Variants in PCDH7 observed in about 807,000 individuals in gnomAD.
PCDH7 encodes the protein protocadherin-7.
PCDH7 carries 17 observed loss-of-function variants against 58.9 expected under a neutral mutation model. That is an observed-to-expected ratio of 0.29 (90% CI 0.20 to 0.43). The LOEUF (loss-of-function observed/expected upper bound fraction) is 0.43, where lower values mean the gene tolerates loss of function less well. Ranked by LOEUF, PCDH7 falls within the 20% of genes least tolerant of loss-of-function variation. PCDH7 has a pLI of 1.00. For synonymous variants in PCDH7, 664 were observed against 616.4 expected (o/e 1.08, Z -1.14); for missense variants, 1,274 against 1,441.0 (o/e 0.88, Z 1.88).
intron 1 of PCDH7, among the ~76,000 whole-genome samples, chr4:30,787,123 A>C (rs566170452): frequency 6.6e-6 from 1 of 152,166 alleles, no homozygotes; most frequent in African/African-American, 2.4e-5. Context: ...GAAGAACAGG[A>C]AATTCTTTTT....
At chr4:30,894,516 TAC>T (rs55942705) in intron 1 of PCDH7, among the ~76,000 whole-genome samples, 589 of 32,068 alleles carry the variant, frequency 0.018, 8 homozygotes, top group African/African-American at 0.038. Context: ...TATATATATA[TAC>T]ACACACACAC....
At chr4:30,779,772 T>C (rs778152989) in intron 1 of PCDH7, among the ~76,000 whole-genome samples, 2 of 152,224 alleles carry the variant, frequency 1.3e-5, no homozygotes, top group African/African-American at 2.4e-5. Context: ...CTGGAAATAC[T>C]TTGTATTTTT....
intron 1 of PCDH7, among the ~76,000 whole-genome samples, chr4:30,790,937 AAAAC>A (rs148296830): frequency 0.024 from 3,588 of 152,138 alleles, 195 homozygotes; most frequent in East Asian, 0.22. Context: ...AAAACAAAAC[AAAAC>A]AAACAAACAA....
chr4:31,001,816 T>C (rs1488235658), intron 3 of PCDH7, among the ~76,000 whole-genome samples: 4 of 152,200 alleles, frequency 2.6e-5, no homozygotes, highest in Admixed American at 2.6e-4. Context: ...AATATGTTCA[T>C]ATTTGTTGTT....
chr4:31,074,048 C>T (rs146600903), intron 3 of PCDH7, among the ~76,000 whole-genome samples: 3,565 of 152,040 alleles, frequency 0.023, 56 homozygotes, highest in Middle Eastern at 0.048. Context: ...CCATGCTCGT[C>T]TTCCCCAAGA....
Position 31,046,379 on chromosome 4 carries a change from C to A in PCDH7, c.*8-96094C>A, listed in dbSNP as rs1578648854. 4.6e-5 allele frequency among the ~76,000 whole-genome samples: 7 copies of A among 152,004 alleles called. 1 individual carries two copies. Among genetic ancestry groups the A allele is most frequent in the Admixed American group, 4.6e-4 (7 of 15,228 alleles). ...ACTATGTGATATGGACCAATGACTT[C>A]TCTTCTTGGGTTATTAAGAAGATTA... On this transcript the variant is annotated intron_variant, in intron 3 of 3. Transcript: ENST00000509759.
Position 30,729,192 on chromosome 4 carries a change from C to CCTA in PCDH7, c.3175-1560_3175-1559insTAC, listed in dbSNP as rs560990310. ...GAGTCCAAGTTATGGAATGTAGTGT[C>CCTA]CAGTATTCTTATTTATCTGATCATA... On this transcript the variant is annotated intron_variant, in intron 1 of 1. Transcript: ENST00000361762. Among the ~76,000 whole-genome samples, 10 of 151,856 alleles carry CCTA rather than the reference C, an allele frequency of 6.6e-5. 1 individual carries two copies. In the East Asian group the frequency reaches 9.7e-4, roughly 15 times the overall value.
chr4:31,001,229 A>T (rs2109137745), intron 3 of PCDH7, among the ~76,000 whole-genome samples: 1 of 152,230 alleles, frequency 6.6e-6, no homozygotes. Context: ...AAAGTCATGT[A>T]GTATAATTTG....
At chr4:31,086,367 G>C (rs1712438215) in intron 3 of PCDH7, among the ~76,000 whole-genome samples, 1 of 152,146 alleles carries the variant, frequency 6.6e-6, no homozygotes, top group Non-Finnish European at 1.5e-5. Context: ...TTTTAAGTCT[G>C]TTTTTGCATG....
chr4:30,980,223 T>A (rs1171580545), intron 3 of PCDH7, among the ~76,000 whole-genome samples: 3 of 152,236 alleles, frequency 2.0e-5, no homozygotes, highest in African/African-American at 7.2e-5. Context: ...TCAACAGGAC[T>A]ACAGTGGAGC....
chr4:30,813,019 A>G (rs1460082042), intron 1 of PCDH7, among the ~76,000 whole-genome samples: 1 of 152,214 alleles, frequency 6.6e-6, no homozygotes, highest in African/African-American at 2.4e-5. Context: ...TCAGAATTCC[A>G]GTGTCTAGCT....
intron 1 of PCDH7, among the ~76,000 whole-genome samples, chr4:30,858,105 T>C (rs1040379373): frequency 2.6e-5 from 4 of 152,310 alleles, no homozygotes; most frequent in Middle Eastern, 3.4e-3. Context: ...TATGAACTTT[T>C]GCCTACATTG....
intron 1 of PCDH7, among the ~76,000 whole-genome samples, chr4:30,774,316 C>A (rs752844758): frequency 1.1e-4 from 17 of 152,242 alleles, no homozygotes; most frequent in Non-Finnish European, 2.5e-4. Flanking sequence ...GTTAGTGAAC[C>A]AAAACCACAC....
intron 2 of PCDH7, among the ~76,000 whole-genome samples, chr4:30,942,874 T>C (rs746044997): frequency 6.8e-6 from 1 of 147,796 alleles, no homozygotes; most frequent in East Asian, 2.0e-4. Flanking sequence ...AAGAGGTAGG[T>C]TAAATTTCTG....
At chr4:31,090,542 T>TC (rs1186944272) in intron 3 of PCDH7, among the ~76,000 whole-genome samples, 9 of 152,020 alleles carry the variant, frequency 5.9e-5, no homozygotes, top group Non-Finnish European at 8.8e-5. Flanking sequence ...AGGAATTCTT[T>TC]CCCCACAAAA....
intron 1 of PCDH7, among the ~76,000 whole-genome samples, chr4:30,804,511 C>T (rs573076889): frequency 1.3e-5 from 2 of 150,274 alleles, no homozygotes; most frequent in African/African-American, 4.9e-5. Context: ...TGCACTCCAA[C>T]CTGGCAACAG....
intron 3 of PCDH7, among the ~76,000 whole-genome samples, chr4:31,132,218 A>G (rs1413023851): frequency 2.6e-5 from 4 of 152,128 alleles, no homozygotes; most frequent in East Asian, 3.9e-4. Context: ...ATGCTTTATC[A>G]TGGTTTATAT....
intron 1 of PCDH7, among the ~76,000 whole-genome samples, chr4:30,759,178 GC>G (rs915356103): frequency 2.0e-4 from 31 of 152,074 alleles, no homozygotes; most frequent in African/African-American, 6.3e-4. Flanking sequence ...CTGACCTCAG[GC>G]CATCCGCCCG....
At chr4:31,028,172 A>G (rs1754599131) in intron 3 of PCDH7, among the ~76,000 whole-genome samples, 1 of 152,184 alleles carries the variant, frequency 6.6e-6, no homozygotes, top group African/African-American at 2.4e-5. Flanking sequence ...TGACATAGCT[A>G]TAGTGATATT....
Sources: allele counts gnomAD v4.1 joint callset (sites outside exome capture counted in the v4.1 genomes callset), GRCh38; gene constraint gnomAD v4.1.1; transcripts MANE v1.5; gene names NCBI Gene and HGNC (gene_info 2026-07-23, HGNC 2026-07-21).